The following RBFOX1 variants were observed in gnomAD, a reference collection of about 807,000 sequenced individuals.
RBFOX1 encodes RNA binding fox-1 homolog 1, also known as RNA binding protein fox-1 homolog 1.
RBFOX1 carries 8 observed loss-of-function variants against 57.7 expected under a neutral mutation model. The ratio of observed to expected loss-of-function variants is 0.14; its 90% CI spans 0.08 to 0.25. The LOEUF is 0.25. RBFOX1 is among the 10% of genes least tolerant of loss of function. The pLI is 1.00. For synonymous variants in RBFOX1, 326 were observed against 222.4 expected (o/e 1.47, Z -4.15); for missense variants, 611 against 548.5 (o/e 1.11, Z -1.14).
chr16:6,197,327 C>G (rs2097186263), intron 1 of RBFOX1, among the ~76,000 whole-genome samples: 1 of 151,942 alleles, frequency 6.6e-6, no homozygotes, highest in African/African-American at 2.4e-5. Flanking sequence ...TCCCACTGAC[C>G]CCTGGACACC....
intron 4 of RBFOX1, among the ~76,000 whole-genome samples, chr16:7,427,275 A>G (rs1055884843): frequency 1.3e-5 from 2 of 151,846 alleles, no homozygotes; most frequent in African/African-American, 2.4e-5. Flanking sequence ...AAAAATTAAT[A>G]AAATAAAATA....
chr16:6,838,363 C>CT (rs1302371783), intron 3 of RBFOX1, among the ~76,000 whole-genome samples: 4 of 152,126 alleles, frequency 2.6e-5, no homozygotes, highest in South Asian at 2.1e-4. Flanking sequence ...TTAACTCATT[C>CT]TTTTTTATGG....
intron 3 of RBFOX1, among the ~76,000 whole-genome samples, chr16:5,804,190 A>G (rs1352833927): frequency 1.3e-5 from 2 of 152,206 alleles, no homozygotes; most frequent in Non-Finnish European, 2.9e-5. Context: ...GAAACTGTGT[A>G]ATTGTTCAGT....
intron 2 of RBFOX1, among the ~76,000 whole-genome samples, chr16:6,589,785 G>T (rs2097684976): frequency 6.6e-6 from 1 of 152,194 alleles, no homozygotes; most frequent in Non-Finnish European, 1.5e-5. Flanking sequence ...TATTTCCAAA[G>T]TTAGTTCAGC....
In RBFOX1 at chr16:6,713,391, T is replaced by A. The variant is rs556185898; in HGVS notation, c.-16+58741T>A. On this transcript the variant is annotated intron_variant, in intron 3 of 15. Transcript: ENST00000550418. ...TCCCCATCTCTCACCAAATTCTGTT[T>A]AAGCTCTAATCTCCAGTCTAAGATT... Among the ~76,000 whole-genome samples, 31 of 152,238 alleles carry A rather than the reference T, an allele frequency of 2.0e-4. No individual in the cohort carries two copies. The South Asian group carries it at 6.4e-3, about 32-fold the overall frequency.
chr16:6,191,147 C>G (rs199996307), intron 1 of RBFOX1, among the ~76,000 whole-genome samples: 1 of 69,756 alleles, frequency 1.4e-5, no homozygotes, highest in South Asian at 4.7e-4. Context: ...TTTTTTTTTT[C>G]TTCATCTGAT....
At chr16:7,536,446 T>C (rs1290415567) in intron 5 of RBFOX1, among the ~76,000 whole-genome samples, 5 of 152,014 alleles carry the variant, frequency 3.3e-5, no homozygotes, top group African/African-American at 1.2e-4. Context: ...ATACAAAAAT[T>C]AGCCAGGTGT....
At chr16:7,485,852 G>A (rs1280040482) in intron 4 of RBFOX1, among the ~76,000 whole-genome samples, 3 of 152,058 alleles carry the variant, frequency 2.0e-5, no homozygotes, top group East Asian at 1.9e-4. Context: ...AGCAAGTGTC[G>A]GTCTGCAGGC....
At chr16:7,327,373 T>C (rs554104191) in intron 4 of RBFOX1, among the ~76,000 whole-genome samples, 2 of 152,304 alleles carry the variant, frequency 1.3e-5, no homozygotes, top group South Asian at 4.1e-4. Context: ...CAGGGTAAAG[T>C]GAGGAATATT....
chr16:5,746,730 G>A (rs1467798803), intron 3 of RBFOX1, among the ~76,000 whole-genome samples: 2 of 152,084 alleles, frequency 1.3e-5, no homozygotes, highest in Non-Finnish European at 2.9e-5. Flanking sequence ...TCATGATTTG[G>A]CTCTCTGTTT....
intron 4 of RBFOX1, chr16:7,332,813 C>G (rs186719083): frequency 3.1e-4 from 432 of 1,405,568 alleles, no homozygotes; most frequent in Non-Finnish European, 3.4e-4. Flanking sequence ...GGGAAGAAAA[C>G]TTTCACATTA....
intron 4 of RBFOX1, among the ~76,000 whole-genome samples, chr16:7,458,262 A>G (rs1259902556): frequency 6.6e-6 from 1 of 152,096 alleles, no homozygotes. Context: ...CCAGCGTCTA[A>G]TGACCATGTG....
chr16:7,098,033 G>A (rs1409455351), intron 4 of RBFOX1, among the ~76,000 whole-genome samples: 2 of 152,198 alleles, frequency 1.3e-5, no homozygotes, highest in East Asian at 1.9e-4. Flanking sequence ...CAGTGATGGA[G>A]TATTCAAGTA....
chr16:6,907,992 A>C (rs111267584), intron 3 of RBFOX1, among the ~76,000 whole-genome samples: 2 of 151,518 alleles, frequency 1.3e-5, no homozygotes, highest in Admixed American at 6.6e-5. Flanking sequence ...CTGTGTCTCT[A>C]TTTTCCCTTT....
chr16:6,562,867 TCTTTCTTTCTTTC>T lies in RBFOX1; in HGVS notation c.-63-91735_-63-91723del, dbSNP rs1205454522. On this transcript the variant is annotated intron_variant, in intron 2 of 15. Coordinates refer to ENST00000550418, the MANE Select transcript of RBFOX1 (RefSeq NM_018723.4). ...TTCTTTCTTTCTTTCTTTCTTTCTT[TCTTTCTTTCTTTC>T]TTTTTTTTTTTTTTTTTTGCATAGT... 7.9e-3 allele frequency among the ~76,000 whole-genome samples: 511 copies of T among 64,444 alleles called. 15 individuals are homozygous for T. The highest frequency in any genetic ancestry group is 0.037 in the African/African-American group (434 of 11,680). 42.3% of individuals were successfully genotyped at this position (64,444 alleles called of 152,430 possible). A position where few individuals can be genotyped will look rare whatever the true frequency, so the allele number is the denominator to read the frequency against.
intron 1 of RBFOX1, among the ~76,000 whole-genome samples, chr16:6,234,290 A>G (rs1333700458): frequency 1.3e-5 from 2 of 152,180 alleles, no homozygotes; most frequent in Non-Finnish European, 2.9e-5. Flanking sequence ...CCCCTGTGTT[A>G]TCTATCGAAA....
intron 3 of RBFOX1, among the ~76,000 whole-genome samples, chr16:6,845,570 T>C (rs548640637): frequency 6.6e-6 from 1 of 152,190 alleles, no homozygotes; most frequent in Non-Finnish European, 1.5e-5. Flanking sequence ...CCATGCTGTT[T>C]TGGTTATTGT....
chr16:5,392,488 C>A (rs1313487320), intron 1 of RBFOX1, among the ~76,000 whole-genome samples: 1 of 151,288 alleles, frequency 6.6e-6, no homozygotes, highest in East Asian at 1.9e-4. Flanking sequence ...CTCTGTCTAC[C>A]CAATGTGGGA....
intron 3 of RBFOX1, among the ~76,000 whole-genome samples, chr16:6,870,207 T>C (rs1353999745): frequency 6.6e-6 from 1 of 152,114 alleles, no homozygotes; most frequent in Non-Finnish European, 1.5e-5. Flanking sequence ...ATCTAGAATT[T>C]TGCAGGCAGA....
Sources: allele counts gnomAD v4.1 joint callset (sites outside exome capture counted in the v4.1 genomes callset), GRCh38; gene constraint gnomAD v4.1.1; transcripts MANE v1.5; gene names NCBI Gene and HGNC (gene_info 2026-07-23, HGNC 2026-07-21).